MED12L: variants seen among roughly 807,000 people sequenced by gnomAD.
MED12L encodes mediator of RNA polymerase II transcription subunit 12-like protein.
In MED12L, 60 loss-of-function variants were observed where a neutral mutation model predicts 281.3. That is an observed-to-expected ratio of 0.21 (90% CI 0.17 to 0.26). The LOEUF (loss-of-function observed/expected upper bound fraction) is 0.26. MED12L is among the 10% of genes least tolerant of loss of function. The probability of loss-of-function intolerance (pLI) is 1.00; values close to 1 mark genes in which losing one functional copy is unlikely to be tolerated. For missense variants in MED12L, 2,146 were observed against 2,680.9 expected, an observed-to-expected ratio of 0.80 and a Z score of 4.41; for synonymous variants, 974 against 987.2, an observed-to-expected ratio of 0.99 and a Z score of 0.25.
At chr3:151,287,632 C>T (rs189512718) in intron 16 of MED12L, among the ~76,000 whole-genome samples, 67 of 152,274 alleles carry the variant, frequency 4.4e-4, no homozygotes, top group Admixed American at 3.5e-3. Flanking sequence ...CACTTCACTT[C>T]CTAGCTAGGT....
intron 5 of MED12L, among the ~76,000 whole-genome samples, chr3:151,139,533 T>C (rs963384833): frequency 6.6e-6 from 1 of 152,224 alleles, no homozygotes; most frequent in African/African-American, 2.4e-5. Context: ...TAAGTGCATT[T>C]TTCCATTTTG....
chr3:151,234,689 G>A (rs913524002), intron 16 of MED12L, among the ~76,000 whole-genome samples: 5 of 152,178 alleles, frequency 3.3e-5, no homozygotes, highest in Non-Finnish European at 5.9e-5. Flanking sequence ...CCAACCATTC[G>A]AAGCCTCAGT....
chr3:151,192,193 T>A (rs114890997), intron 14 of MED12L, among the ~76,000 whole-genome samples: 1 of 152,216 alleles, frequency 6.6e-6, no homozygotes, highest in Non-Finnish European at 1.5e-5. Context: ...TCTATAGATA[T>A]TAAAGTGTCT....
chr3:151,259,976 A>G (rs889367513), intron 16 of MED12L, among the ~76,000 whole-genome samples: 1 of 152,194 alleles, frequency 6.6e-6, no homozygotes, highest in African/African-American at 2.4e-5. Context: ...TATTTTCTTC[A>G]TGTGATACAT....
intron 4 of MED12L, among the ~76,000 whole-genome samples, chr3:151,123,572 A>G (rs1714081402): frequency 6.6e-6 from 1 of 152,196 alleles, no homozygotes; most frequent in Non-Finnish European, 1.5e-5. Context: ...AGATTCAACA[A>G]TCTTGTGGTC....
chr3:151,102,078 A>G (rs1560046397), intron 2 of MED12L, among the ~76,000 whole-genome samples: 2 of 152,146 alleles, frequency 1.3e-5, no homozygotes, highest in Admixed American at 1.3e-4. Context: ...CTGAATTGGA[A>G]TGAATACTCA....
intron 42 of MED12L, among the ~76,000 whole-genome samples, chr3:151,415,615 T>A (rs1717451934): frequency 6.6e-6 from 1 of 152,240 alleles, no homozygotes; most frequent in South Asian, 2.1e-4. Flanking sequence ...TAGACTGTCA[T>A]CATTATCAGG....
In MED12L at chr3:151,128,001, A is replaced by G; in HGVS notation, c.556+17A>G. On this transcript the variant is annotated intron_variant, in intron 5 of 44. Coordinates refer to ENST00000687756, the MANE Select transcript of MED12L (RefSeq NM_001393769.1). ...CGAATTTGGGTAAGTGAGAGAATAC[A>G]ATACACCTTACATTTCATTATTGAT... is the stretch of plus-strand genomic sequence containing the variant. 1 of 1,601,314 alleles carries G rather than the reference A, an allele frequency of 6.2e-7. No homozygotes were observed. The highest frequency in any genetic ancestry group is 1.3e-5 in the African/African-American group (1 of 74,446).
intron 42 of MED12L, among the ~76,000 whole-genome samples, chr3:151,414,211 C>T (rs1717292860): frequency 6.6e-6 from 1 of 152,160 alleles, no homozygotes. Context: ...ATTATGTTTA[C>T]CTGTGTCATT....
At chr3:151,352,069 C>A (rs960353749) in intron 17 of MED12L, among the ~76,000 whole-genome samples, 1 of 152,126 alleles carries the variant, frequency 6.6e-6, no homozygotes, top group African/African-American at 2.4e-5. Context: ...AATGAGAAAT[C>A]TTGGGGATGA....
At chr3:151,150,751 C>T (rs575160924) in intron 5 of MED12L, among the ~76,000 whole-genome samples, 65 of 152,344 alleles carry the variant, frequency 4.3e-4, no homozygotes, top group African/African-American at 1.2e-3. Context: ...GCAGCTTCTA[C>T]GTCAGCATTG....
intron 16 of MED12L, among the ~76,000 whole-genome samples, chr3:151,256,893 ATAG>A (rs1737926517): frequency 6.6e-6 from 1 of 150,878 alleles, no homozygotes; most frequent in African/African-American, 2.4e-5. Flanking sequence ...CATGGGGAAA[ATAG>A]TGTTTGAATT....
chr3:151,336,640 A>G (rs1332376267), intron 16 of MED12L: 9 of 431,526 alleles, frequency 2.1e-5, no homozygotes, highest in Non-Finnish European at 3.7e-5. Flanking sequence ...CTTGTGTAGA[A>G]TTAGACTGCA....
chr3:151,090,805 C>T (rs537201611), intron 2 of MED12L, among the ~76,000 whole-genome samples: 196 of 152,158 alleles, frequency 1.3e-3, no homozygotes, highest in African/African-American at 4.5e-3. Flanking sequence ...TTTGGGAGGC[C>T]GAGGCGGGTG....
chr3:151,198,919 G>A (rs1241150026), intron 16 of MED12L: 1 of 1,613,892 alleles, frequency 6.2e-7, no homozygotes, highest in South Asian at 1.1e-5. Context: ...TTTCCTTGAT[G>A]TCTTTGATGG....
Position 151,382,647 on chromosome 3 carries a change from G to A in MED12L, c.4591-9G>A. 2 of 1,595,266 alleles carry A rather than the reference G, an allele frequency of 1.3e-6. No homozygotes were observed. The highest frequency in any genetic ancestry group is 1.7e-6 in the Non-Finnish European group (2 of 1,171,720). On this transcript the variant is annotated splice_polypyrimidine_tract_variant and intron_variant, in intron 32 of 44. Coordinates refer to ENST00000687756, the MANE Select transcript of MED12L (RefSeq NM_001393769.1). ...AAACTTTAATGGGGAGTTTTTTTCC[G>A]GATCTTAGATTTTAAGTAACTGGAG... is the stretch of plus-strand genomic sequence containing the variant.
chr3:151,171,468 G>A (rs1211121573), intron 11 of MED12L, among the ~76,000 whole-genome samples: 1 of 152,162 alleles, frequency 6.6e-6, no homozygotes, highest in African/African-American at 2.4e-5. Context: ...GGGGTCCCAG[G>A]AAGCCAGCTT....
rs760464340 is a variant in MED12L, at chr3:151,350,192, C to G, written c.2384C>G (p.Thr795Ser). 1.2e-5 allele frequency: 19 copies of G among 1,613,490 alleles called. No homozygotes were observed. The highest frequency in any genetic ancestry group is 1.6e-5 in the Non-Finnish European group (19 of 1,179,724). ...DILKILNKKS[T>S]TETGVGDEGQ... ...CTGAAAATTCTAAATAAGAAGAGCA[C>G]CACAGAGACAGGGGGTAAAGAACCT... The change falls in exon 17 of 45, where the codon ACC (threonine) becomes AGC (serine). Residue 795 changes from threonine (T) to serine (S), a missense_variant. Transcript: ENST00000687756.
At chr3:151,123,147 C>CAAATAA (rs1714008967) in intron 4 of MED12L, among the ~76,000 whole-genome samples, 173 bp downstream of exon 4, 4 of 152,192 alleles carry the variant, frequency 2.6e-5, no homozygotes, top group African/African-American at 7.2e-5. Context: ...ATTTTGATTG[C>CAAATAA]ATGTAGTGCC....
Sources: allele counts gnomAD v4.1 joint callset (sites outside exome capture counted in the v4.1 genomes callset), GRCh38; gene constraint gnomAD v4.1.1; transcripts MANE v1.5; gene names NCBI Gene and HGNC (gene_info 2026-07-23, HGNC 2026-07-21).